Variants in TMEM68 observed in about 807,000 individuals in gnomAD.
TMEM68 encodes transmembrane protein 68.
TMEM68 carries 25 observed loss-of-function variants against 36.9 expected under a neutral mutation model. The ratio of observed to expected loss-of-function variants is 0.68; its 90% confidence interval spans 0.49 to 0.95. The LOEUF (loss-of-function observed/expected upper bound fraction) is 0.95. TMEM68 is among the 40% of genes least tolerant of loss of function. The pLI, the probability that TMEM68 is intolerant of heterozygous loss-of-function variation, is 0.00. For missense variants in TMEM68, 333 were observed against 392.0 expected (o/e 0.85, Z 1.27); for synonymous variants, 131 against 124.4 (o/e 1.05, Z -0.35).
At chr8:55,770,206 C>T (rs1049720300) in intron 1 of TMEM68, among the ~76,000 whole-genome samples, 1 of 152,148 alleles carries the variant, frequency 6.6e-6, no homozygotes, top group Non-Finnish European at 1.5e-5. Context: ...AGTCATCTTA[C>T]CTCCTGGTCT....
chr8:55,750,967 T>G lies in TMEM68; in HGVS notation c.684A>C (p.Lys228Asn), dbSNP rs1810413451. Residue 228 changes from lysine (K) to asparagine (N), a missense_variant, in exon 5 of 8, where the codon AAA (lysine) becomes AAC (asparagine). Transcript: ENST00000434581. ...TAATTAATTTTATATAACTCACCAC[T>G]TTTGCATCAATTGCAACCTGAGCAA... ...RGFAQVAIDAKVPIIPMFTQN... is the reference protein window; with the variant it reads ...RGFAQVAIDANVPIIPMFTQN... 1.2e-6 allele frequency: 2 copies of G among 1,602,516 alleles called. No homozygotes were observed. The highest frequency in any genetic ancestry group is 1.1e-5 in the South Asian group (1 of 88,554).
At chr8:55,754,125 C>A (rs1168163172) in intron 4 of TMEM68, among the ~76,000 whole-genome samples, 1 of 151,170 alleles carries the variant, frequency 6.6e-6, no homozygotes, top group East Asian at 2.0e-4. Flanking sequence ...CACACACACA[C>A]ACATACACAC....
At chr8:55,754,439 T>C (rs911916193) in intron 4 of TMEM68, among the ~76,000 whole-genome samples, 1 of 109,836 alleles carries the variant, frequency 9.1e-6, no homozygotes. Flanking sequence ...CAAGACTCTG[T>C]CTCGAATATA....
intron 3 of TMEM68, among the ~76,000 whole-genome samples, chr8:55,759,304 C>G (rs1348744279): frequency 6.6e-6 from 1 of 151,136 alleles, no homozygotes; most frequent in Non-Finnish European, 1.5e-5. Context: ...GGCACAGTGG[C>G]TCGTGCCTAT....
intron 3 of TMEM68, among the ~76,000 whole-genome samples, 179 bp from the exon 4 acceptor site, chr8:55,756,590 A>G (rs558086180): frequency 1.3e-5 from 2 of 152,042 alleles, no homozygotes; most frequent in South Asian, 4.2e-4. Context: ...AATCAGTCCT[A>G]CAGCCATTAG....
intron 3 of TMEM68, chr8:55,762,257 A>T: frequency 4.5e-6 from 1 of 222,102 alleles, no homozygotes; most frequent in Non-Finnish European, 8.6e-6. Flanking sequence ...TCATTTTTTT[A>T]AATCCACACT....
Position 55,756,131 on chromosome 8 carries a change from A to T in TMEM68, c.493+113T>A. 3 of 850,852 alleles carry T rather than the reference A, an allele frequency of 3.5e-6. No homozygotes were observed. In the South Asian group the frequency reaches 6.0e-5, roughly 17 times the overall value. The allele number at this position is 850,852 out of a possible 1,614,324, so 52.7% of individuals were successfully genotyped here. On this transcript the variant is annotated intron_variant, in intron 4 of 7. Transcript: ENST00000434581. ...GTTCCAAGAGTGTTATACACACCCTAAAAGGCAAAAAGCTTTTTCAAATGA... is the reference window on the plus strand; with the variant it reads ...GTTCCAAGAGTGTTATACACACCCTTAAAGGCAAAAAGCTTTTTCAAATGA...
At chr8:55,742,306 G>T (rs1810126297) in intron 7 of TMEM68, among the ~76,000 whole-genome samples, 1 of 152,138 alleles carries the variant, frequency 6.6e-6, no homozygotes, top group Non-Finnish European at 1.5e-5. Context: ...AAATTCTAGA[G>T]ACCTGTTGCT....
At chr8:55,751,602 C>A in intron 4 of TMEM68, 1 of 366,856 alleles carries the variant, frequency 2.7e-6, no homozygotes, top group South Asian at 2.1e-5. Flanking sequence ...TTAGCTCTTC[C>A]AAAACTGGCA....
At chr8:55,752,482 G>A (rs1025482492) in intron 4 of TMEM68, among the ~76,000 whole-genome samples, 1 of 151,996 alleles carries the variant, frequency 6.6e-6, no homozygotes, top group African/African-American at 2.4e-5. Flanking sequence ...AGCTACTCAG[G>A]AGGCTGAGGC....
At chr8:55,747,678 C>T (rs1810322602) in intron 5 of TMEM68, 1 of 152,016 alleles carries the variant, frequency 6.6e-6, no homozygotes, top group South Asian at 2.1e-4. Flanking sequence ...AATACTCAGA[C>T]ACTGAATTCT....
chr8:55,751,867 C>T (rs76735436), intron 4 of TMEM68, among the ~76,000 whole-genome samples: 1,955 of 152,244 alleles, frequency 0.013, 39 homozygotes, highest in African/African-American at 0.045. Context: ...TGTTAGTATA[C>T]ATTATTCCCT....
chr8:55,755,518 C>T (rs1023470533), intron 4 of TMEM68, among the ~76,000 whole-genome samples: 1 of 151,858 alleles, frequency 6.6e-6, no homozygotes, highest in Non-Finnish European at 1.5e-5. Flanking sequence ...GTGATTTGCC[C>T]ACCTCGTCCT....
intron 5 of TMEM68, 136 bp from the exon 6 acceptor site, chr8:55,745,257 C>A: frequency 4.5e-6 from 2 of 448,242 alleles, no homozygotes; most frequent in Non-Finnish European, 7.7e-6. Context: ...TGAACATGCC[C>A]AATCTCGTCT....
intron 1 of TMEM68, among the ~76,000 whole-genome samples, chr8:55,771,341 C>T (rs961060223): frequency 1.3e-5 from 2 of 152,114 alleles, no homozygotes; most frequent in African/African-American, 4.8e-5. Context: ...GTGGCTCATG[C>T]CTATAATCCT....
In TMEM68 at chr8:55,738,848, C is replaced by T. The variant is rs1017998784; in HGVS notation, c.*1284G>A. 1 of 152,546 alleles carries T rather than the reference C, an allele frequency of 6.6e-6. No homozygotes were observed. Among genetic ancestry groups the T allele is most frequent in the African/African-American group, 2.4e-5 (1 of 41,420 alleles). 9.4% of individuals were successfully genotyped at this position (152,546 alleles called of 1,614,324 possible). Reference sequence around the variant, plus strand: ...CTATACAAAAACCCTACTAATTCAACATTTAAAAAAGGGAGAGGGAGATAC... The same window carrying T: ...CTATACAAAAACCCTACTAATTCAATATTTAAAAAAGGGAGAGGGAGATAC... On this transcript the variant is annotated 3_prime_UTR_variant, in exon 8 of 8. Coordinates refer to ENST00000434581, the MANE Select transcript of TMEM68 (RefSeq NM_001286657.2).
At chr8:55,744,096 A>C (rs979829995) in intron 6 of TMEM68, among the ~76,000 whole-genome samples, 1 of 151,894 alleles carries the variant, frequency 6.6e-6, no homozygotes, top group Non-Finnish European at 1.5e-5. Context: ...AGTAACTTAG[A>C]TAAATAAAAG....
chr8:55,748,792 T>C (rs971895015), intron 5 of TMEM68, among the ~76,000 whole-genome samples: 2 of 152,076 alleles, frequency 1.3e-5, no homozygotes, highest in East Asian at 1.9e-4. Context: ...GGTTTCACCA[T>C]GTTGCCCAGG....
At chr8:55,755,621 G>A (rs1563433044) in intron 4 of TMEM68, among the ~76,000 whole-genome samples, 1 of 148,510 alleles carries the variant, frequency 6.7e-6, no homozygotes, top group African/African-American at 2.5e-5. Flanking sequence ...ATTTTAATTT[G>A]CTATCAAACT....
Sources: allele counts gnomAD v4.1 joint callset (sites outside exome capture counted in the v4.1 genomes callset), GRCh38; gene constraint gnomAD v4.1.1; transcripts MANE v1.5; gene names NCBI Gene and HGNC (gene_info 2026-07-23, HGNC 2026-07-21).